The following UTY variants were observed in gnomAD, a reference collection of about 807,000 sequenced individuals.
UTY encodes the protein histone demethylase UTY.
In UTY, 12 loss-of-function variants were observed where a neutral mutation model predicts 32.5. The observed-to-expected ratio is 0.37, with a 90% CI of 0.24 to 0.60. The LOEUF (loss-of-function observed/expected upper bound fraction) is 0.60. UTY is among the 20% of genes least tolerant of loss of function. UTY has a pLI of 0.69. For missense variants in UTY, 303 were observed against 299.2 expected (o/e 1.01, Z -0.09); for synonymous variants, 131 against 103.4 (o/e 1.27, Z -1.62).
chrY:13,304,253 C>A, intron 24 of UTY: 1 of 96,859 alleles, frequency 1.0e-5, no homozygotes, highest in Non-Finnish European at 2.2e-5. Flanking sequence ...TAGTATCAAG[C>A]TGCTTTTATA....
chrY:13,411,655 A>C (rs2070968941), intron 5 of UTY, among the ~76,000 whole-genome samples: 1 of 32,248 alleles, frequency 3.1e-5, no homozygotes, highest in Non-Finnish European at 7.6e-5. Context: ...ACTCCTAGCT[A>C]ATTTTTTTCA....
chrY:13,433,151 A>G, intron 4 of UTY, among the ~76,000 whole-genome samples: 2 of 33,986 alleles, frequency 5.9e-5, no homozygotes, highest in African/African-American at 2.3e-4. Flanking sequence ...AAGGAAACTC[A>G]ATGAGACGCA....
At chrY:13,350,646 T>C (rs1041235784) in intron 17 of UTY, among the ~76,000 whole-genome samples, 17 of 32,817 alleles carry the variant, frequency 5.2e-4, no homozygotes, top group Non-Finnish European at 1.2e-3. Flanking sequence ...TATTGTCTTA[T>C]GCCCAATTTC....
chrY:13,272,568 A>T, intron 27 of UTY, among the ~76,000 whole-genome samples: 1 of 33,887 alleles, frequency 3.0e-5, no homozygotes, highest in Non-Finnish European at 7.3e-5. Context: ...AGACAGACAA[A>T]TAACAGTTGT....
chrY:13,401,865 C>T (rs758799502), intron 6 of UTY, among the ~76,000 whole-genome samples: 9 of 32,519 alleles, frequency 2.8e-4, no homozygotes, highest in Non-Finnish European at 4.5e-4. Context: ...AACCAAGACT[C>T]CGTCTCAAAA....
At chrY:13,251,727 T>A in intron 28 of UTY, among the ~76,000 whole-genome samples, 1 of 33,821 alleles carries the variant, frequency 3.0e-5, no homozygotes, top group South Asian at 6.5e-4. Flanking sequence ...TTTTTCAAGA[T>A]AATGAAACTG....
At chrY:13,341,988 G>A in intron 17 of UTY, among the ~76,000 whole-genome samples, 1 of 33,095 alleles carries the variant, frequency 3.0e-5, no homozygotes, top group African/African-American at 1.2e-4. Flanking sequence ...TTAAACCTAG[G>A]TCAAAGAAAA....
chrY:13,472,742 T>C (rs2078626077), intron 2 of UTY, among the ~76,000 whole-genome samples: 1 of 34,116 alleles, frequency 2.9e-5, no homozygotes, highest in African/African-American at 1.1e-4. Context: ...AATGAAAATA[T>C]GTCTTATGCA....
intron 21 of UTY, among the ~76,000 whole-genome samples, chrY:13,314,342 A>G (rs2059363222): frequency 3.0e-5 from 1 of 33,349 alleles, no homozygotes; most frequent in Non-Finnish European, 7.4e-5. Context: ...TGAACCCAGG[A>G]GGTGGAGCTT....
chrY:13,271,522 T>C (rs2056301147), intron 27 of UTY, among the ~76,000 whole-genome samples: 2 of 33,445 alleles, frequency 6.0e-5, no homozygotes, highest in Non-Finnish European at 1.5e-4. Flanking sequence ...CATTACTTTG[T>C]AGTAAACTAG....
chrY:13,431,461 A>G (rs2073992568), intron 4 of UTY, among the ~76,000 whole-genome samples: 1 of 32,943 alleles, frequency 3.0e-5, no homozygotes, highest in African/African-American at 1.2e-4. Context: ...TGCACACACA[A>G]ATTTCCCTGA....
chrY:13,394,267 T>C (rs2067896083), intron 7 of UTY, among the ~76,000 whole-genome samples: 3 of 33,562 alleles, frequency 8.9e-5, no homozygotes, highest in African/African-American at 3.4e-4. Context: ...GTATTCAAAA[T>C]TTTACGTTAA....
intron 27 of UTY, among the ~76,000 whole-genome samples, chrY:13,284,710 T>C (rs2057239519): frequency 2.9e-5 from 1 of 34,165 alleles, no homozygotes; most frequent in African/African-American, 1.1e-4. Context: ...CTAATAAAAA[T>C]AGGTGCTAAA....
chrY:13,472,216 G>C, intron 2 of UTY, among the ~76,000 whole-genome samples: 1 of 31,381 alleles, frequency 3.2e-5, no homozygotes, highest in East Asian at 8.2e-4. Flanking sequence ...CTCTACCCTG[G>C]GTGACACAGC....
chrY:13,434,056 T>C (rs2074293456), intron 4 of UTY, among the ~76,000 whole-genome samples: 1 of 33,861 alleles, frequency 3.0e-5, no homozygotes, highest in Non-Finnish European at 7.3e-5. Flanking sequence ...AATTCCACAC[T>C]GGCAAACAGA....
At chrY:13,278,415 C>T (rs2056818144) in intron 27 of UTY, among the ~76,000 whole-genome samples, 38 of 33,291 alleles carry the variant, frequency 1.1e-3, no homozygotes, top group Admixed American at 0.01. Context: ...AGTGTGGCCA[C>T]AGTTGGGTAG....
chrY:13,319,256 A>G, intron 21 of UTY, among the ~76,000 whole-genome samples: 1 of 33,807 alleles, frequency 3.0e-5, no homozygotes, highest in African/African-American at 1.2e-4. Flanking sequence ...CATTTTATCA[A>G]AATAATTCCT....
intron 10 of UTY, among the ~76,000 whole-genome samples, chrY:13,363,799 C>T: frequency 3.0e-5 from 1 of 33,578 alleles, no homozygotes; most frequent in Non-Finnish European, 7.4e-5. Context: ...AGCCTAAATC[C>T]TACTTAGTTC....
At chrY:13,416,482 G>A in intron 4 of UTY, among the ~76,000 whole-genome samples, 2 of 34,107 alleles carry the variant, frequency 5.9e-5, no homozygotes, top group Admixed American at 2.7e-4. Flanking sequence ...ATTTAAGGAA[G>A]AGCGATGTCA....
Sources: gnomAD v4.1 joint callset for allele counts (sites outside exome capture counted in the v4.1 genomes callset) on GRCh38, gnomAD v4.1.1 for gene constraint, MANE v1.5 for transcripts, NCBI Gene and HGNC (gene_info 2026-07-23, HGNC 2026-07-21) for gene names.